Variants in LRP1B observed in about 807,000 individuals in gnomAD.
The protein encoded by LRP1B is low-density lipoprotein receptor-related protein 1B.
LRP1B carries 217 observed loss-of-function variants against 556.6 expected under a neutral mutation model. The ratio of observed to expected loss-of-function variants is 0.39; its 90% CI spans 0.35 to 0.44. The LOEUF (loss-of-function observed/expected upper bound fraction) is 0.44. Ranked by LOEUF, LRP1B falls within the 20% of genes least tolerant of loss-of-function variation. LRP1B has a pLI of 1.00. For missense variants in LRP1B, 5,053 were observed against 5,620.8 expected, an observed-to-expected ratio of 0.90 and a Z score of 3.23; for synonymous variants, 2,047 against 1,865.8, an observed-to-expected ratio of 1.10 and a Z score of -2.50.
intron 59 of LRP1B, among the ~76,000 whole-genome samples, chr2:140,477,431 C>T (rs990031739): frequency 1.3e-5 from 2 of 151,960 alleles, no homozygotes; most frequent in African/African-American, 2.4e-5. Flanking sequence ...ATAACACATC[C>T]AAACTGGTTT....
chr2:140,387,174 C>A (rs2105201299), intron 66 of LRP1B, among the ~76,000 whole-genome samples: 1 of 152,308 alleles, frequency 6.6e-6, no homozygotes, highest in South Asian at 2.1e-4. Context: ...TAGTGAAGTG[C>A]TTCCAGTCTC....
chr2:140,540,656 T>A (rs1404936409), intron 45 of LRP1B, among the ~76,000 whole-genome samples: 1 of 152,144 alleles, frequency 6.6e-6, no homozygotes, highest in Non-Finnish European at 1.5e-5. Flanking sequence ...TGCTATTGAT[T>A]GAATTCACAA....
intron 18 of LRP1B, among the ~76,000 whole-genome samples, chr2:140,971,142 C>G (rs957714607): frequency 1.3e-5 from 2 of 152,142 alleles, no homozygotes; most frequent in Non-Finnish European, 2.9e-5. Context: ...GTAGTCTTTG[C>G]AGACGTAAAG....
chr2:141,350,132 C>T (rs1010902673), intron 3 of LRP1B, among the ~76,000 whole-genome samples: 2 of 152,054 alleles, frequency 1.3e-5, no homozygotes, highest in East Asian at 3.9e-4. Context: ...GACTCACCCC[C>T]GTGATTCAAT....
intron 35 of LRP1B, among the ~76,000 whole-genome samples, chr2:140,736,757 G>A (rs1374868318): frequency 2.0e-5 from 3 of 152,132 alleles, no homozygotes; most frequent in Non-Finnish European, 2.9e-5. Context: ...AATCCTAGAA[G>A]AAAGCCTAGA....
At chr2:141,256,590 C>G (rs1684474592) in intron 3 of LRP1B, among the ~76,000 whole-genome samples, 1 of 151,882 alleles carries the variant, frequency 6.6e-6, no homozygotes, top group Non-Finnish European at 1.5e-5. Flanking sequence ...CTAGGAATGG[C>G]AAAATGCTAA....
At chr2:140,405,235 T>C (rs1242851731) in intron 66 of LRP1B, among the ~76,000 whole-genome samples, 3 of 152,180 alleles carry the variant, frequency 2.0e-5, no homozygotes, top group Admixed American at 2.0e-4. Flanking sequence ...GGAAAGTTCA[T>C]AGCATTAAAT....
intron 66 of LRP1B, among the ~76,000 whole-genome samples, chr2:140,411,073 C>T: frequency 6.6e-6 from 1 of 152,126 alleles, no homozygotes; most frequent in Non-Finnish European, 1.5e-5. Flanking sequence ...TTTTTCAATG[C>T]TAATTAATAT....
intron 20 of LRP1B, among the ~76,000 whole-genome samples, chr2:140,943,335 C>G (rs781116794): frequency 6.6e-6 from 1 of 151,936 alleles, no homozygotes; most frequent in Non-Finnish European, 1.5e-5. Context: ...GACTTCAATA[C>G]CCCACTGACA....
chr2:141,465,848 T>C (rs1363873814), intron 3 of LRP1B, among the ~76,000 whole-genome samples: 3 of 148,196 alleles, frequency 2.0e-5, no homozygotes, highest in African/African-American at 5.0e-5. Context: ...GCCTGGCCTA[T>C]AGCATGACTT....
chr2:140,318,279 G>T (rs1292987020), intron 82 of LRP1B, among the ~76,000 whole-genome samples: 2 of 152,128 alleles, frequency 1.3e-5, no homozygotes, highest in African/African-American at 4.8e-5. Flanking sequence ...AGACCTATAT[G>T]TGTAAAGGCT....
intron 6 of LRP1B, among the ~76,000 whole-genome samples, chr2:141,224,372 T>C (rs1286085909): frequency 6.6e-6 from 1 of 152,098 alleles, no homozygotes; most frequent in Admixed American, 6.6e-5. Context: ...AGAATGCTTT[T>C]ACATGTTAGT....
At chr2:141,212,592 A>C (rs1009462601) in intron 6 of LRP1B, among the ~76,000 whole-genome samples, 1 of 151,824 alleles carries the variant, frequency 6.6e-6, no homozygotes, top group Non-Finnish European at 1.5e-5. Context: ...CAAAAAGTCT[A>C]GATTCTAAAT....
At chr2:141,174,352 G>A (rs1680642201) in intron 7 of LRP1B, among the ~76,000 whole-genome samples, 1 of 152,036 alleles carries the variant, frequency 6.6e-6, no homozygotes, top group Admixed American at 6.6e-5. Flanking sequence ...CTTGTGATAT[G>A]GTTTGGCTCT....
At chr2:140,693,331 T>A (rs1686312373) in intron 41 of LRP1B, among the ~76,000 whole-genome samples, 2 of 152,216 alleles carry the variant, frequency 1.3e-5, no homozygotes, top group South Asian at 4.1e-4. Context: ...TTTTGTTTGT[T>A]TTTAGAAACA....
At chr2:141,788,106 G>C (rs1282465152) in intron 2 of LRP1B, among the ~76,000 whole-genome samples, 6 of 151,962 alleles carry the variant, frequency 3.9e-5, no homozygotes, top group Non-Finnish European at 5.9e-5. Flanking sequence ...ACACTCTTCA[G>C]TATAACACAT....
At chr2:141,956,100 G>A (rs1003744725) in intron 1 of LRP1B, among the ~76,000 whole-genome samples, 1 of 151,902 alleles carries the variant, frequency 6.6e-6, no homozygotes, top group Non-Finnish European at 1.5e-5. Flanking sequence ...GTTTCTAGCT[G>A]GGATACTAAG....
chr2:140,314,993 T>C lies in LRP1B; in HGVS notation c.12747A>G (p.Glu4249=). The C allele has an allele frequency of 6.2e-7, 1 of 1,611,940 alleles. No homozygotes were observed. The highest frequency in any genetic ancestry group is 8.5e-7 in the Non-Finnish European group (1 of 1,178,766). ...CWPSYSGERC[E]VNHCSNYCQN... ...GGCAGTAGTTGCTACAGTGGTTGAC[T>C]TCACATCTTTCTCCTGAATAACTGG... The change falls in exon 83 of 91, where the codon GAA becomes GAG. Residue 4249 remains glutamate (E), a synonymous_variant. Transcript: ENST00000389484.
At chr2:141,159,979 C>T (rs1194251377) in intron 7 of LRP1B, among the ~76,000 whole-genome samples, 1 of 151,942 alleles carries the variant, frequency 6.6e-6, no homozygotes, top group Non-Finnish European at 1.5e-5. Flanking sequence ...ACAACACACA[C>T]CAGGGCCTGT....
Sources: allele counts gnomAD v4.1 joint callset (sites outside exome capture counted in the v4.1 genomes callset), GRCh38; gene constraint gnomAD v4.1.1; transcripts MANE v1.5; gene names NCBI Gene and HGNC (gene_info 2026-07-23, HGNC 2026-07-21).